SLC31A2: variants seen among roughly 807,000 people sequenced by gnomAD.
SLC31A2 encodes solute carrier family 31 member 2.
A neutral mutation model predicts 14.4 loss-of-function variants in SLC31A2; 16 were observed. The ratio of observed to expected loss-of-function variants is 1.11; its 90% CI spans 0.75 to 1.69. The LOEUF is 1.69. Ranked by LOEUF, SLC31A2 falls within the 40% of genes most tolerant of loss-of-function variation. The pLI, the probability that SLC31A2 is intolerant of heterozygous loss-of-function variation, is 0.00. For missense variants in SLC31A2, 140 were observed against 173.9 expected, an observed-to-expected ratio of 0.81 and a Z score of 1.10; for synonymous variants, 56 against 68.7, an observed-to-expected ratio of 0.82 and a Z score of 0.91.
intron 1 of SLC31A2, among the ~76,000 whole-genome samples, chr9:113,155,032 G>A (rs1829916546): frequency 1.3e-5 from 2 of 152,174 alleles, no homozygotes; most frequent in Admixed American, 1.3e-4. Flanking sequence ...GGCCATATCA[G>A]TTTCTTCTGC....
At position 113,151,048 on chromosome 9, in the gene SLC31A2, C is replaced by T; in HGVS notation, c.-27C>T. The T allele has an allele frequency of 7.7e-7, 1 of 1,304,984 alleles. No individual in the cohort carries two copies. The highest frequency in any genetic ancestry group is 9.8e-7 in the Non-Finnish European group (1 of 1,020,662). 80.8% of individuals were successfully genotyped at this position (1,304,984 alleles called of 1,614,324 possible). ...AGGAGACCCGAGCGAGCAGACGCGG[C>T]CCTGGCGCCCGCCCTGCGCACTCAC... On this transcript the variant is annotated 5_prime_UTR_variant, in exon 1 of 4. Transcript: ENST00000259392. This position sits in a 1 kb window ranked among gnomAD's most constrained non-coding sequence, Gnocchi z 4.2.
chr9:113,162,926 G>C lies in SLC31A2; in HGVS notation c.*9G>C. ...TTCTCAGCACAGCTTAGCTGGTGAG[G>C]AACGTGCAGGCACTGAGGCTGGAGG... On this transcript the variant is annotated 3_prime_UTR_variant, in exon 4 of 4. Coordinates refer to ENST00000259392, the MANE Select transcript of SLC31A2 (RefSeq NM_001860.3). The C allele has an allele frequency of 6.3e-7, 1 of 1,598,454 alleles. No homozygotes were observed. The highest frequency in any genetic ancestry group is 8.5e-7 in the Non-Finnish European group (1 of 1,172,720).
chr9:113,161,931 T>A (rs1306794068), intron 3 of SLC31A2: 1 of 635,956 alleles, frequency 1.6e-6, no homozygotes, highest in African/African-American at 1.8e-5. Flanking sequence ...GAAGGCTTTC[T>A]TTAGGGAACA....
intron 1 of SLC31A2, chr9:113,156,078 A>G (rs1407977307): frequency 1.2e-5 from 6 of 518,864 alleles, no homozygotes; most frequent in Admixed American, 1.9e-5. Context: ...CAGGACACCC[A>G]CATGGCACAG....
intron 1 of SLC31A2, among the ~76,000 whole-genome samples, chr9:113,156,656 A>T (rs957755382): frequency 6.6e-6 from 1 of 152,192 alleles, no homozygotes; most frequent in Non-Finnish European, 1.5e-5. Flanking sequence ...TGCTTGTGCT[A>T]GCTGAGGGCT....
intron 1 of SLC31A2, among the ~76,000 whole-genome samples, chr9:113,153,756 G>T (rs958433543): frequency 6.6e-6 from 1 of 152,080 alleles, no homozygotes; most frequent in Non-Finnish European, 1.5e-5. Flanking sequence ...GCAGCTCCAC[G>T]GTCTCCAGTG....
At position 113,163,709 on chromosome 9, in the gene SLC31A2, GGAA is replaced by G. The variant is rs1283776494; in HGVS notation, c.*798_*800del. The G allele has an allele frequency of 6.8e-6, 1 of 147,532 alleles. No homozygotes were observed. The highest frequency in any genetic ancestry group is 2.7e-5 in the African/African-American group (1 of 36,866). 9.1% of individuals were successfully genotyped at this position (147,532 alleles called of 1,614,324 possible). ...CTTCCACCAGAAGGCACTGCCTGCA[GGAA>G]GAAGATGATCTGATGGCCGTGGGTG... On this transcript the variant is annotated 3_prime_UTR_variant, in exon 4 of 4. Coordinates refer to ENST00000259392, the MANE Select transcript of SLC31A2 (RefSeq NM_001860.3).
intron 1 of SLC31A2, chr9:113,155,872 CTG>C (rs1315894540): frequency 6.4e-6 from 2 of 311,196 alleles, no homozygotes; most frequent in South Asian, 2.6e-5. Flanking sequence ...TCGGAGGAAA[CTG>C]AGGCCAGAGA....
At chr9:113,152,420 TGA>T (rs1174806451) in intron 1 of SLC31A2, 2 of 152,296 alleles carry the variant, frequency 1.3e-5, no homozygotes, top group Admixed American at 1.3e-4. Flanking sequence ...GAGTGACAGG[TGA>T]GTCTTCGTCC....
intron 2 of SLC31A2, among the ~76,000 whole-genome samples, chr9:113,159,986 C>T (rs1171688350): frequency 6.6e-6 from 1 of 152,034 alleles, no homozygotes; most frequent in Non-Finnish European, 1.5e-5. Context: ...ACCAGCCTGA[C>T]CAACATGGTC....
At position 113,151,029 on chromosome 9, in the gene SLC31A2, C is replaced by T. The variant is rs749077461; in HGVS notation, c.-46C>T. 1 of 1,297,634 alleles carries T rather than the reference C, an allele frequency of 7.7e-7. No individual in the cohort carries two copies. Among genetic ancestry groups the T allele is most frequent in the South Asian group, 2.9e-5 (1 of 34,906 alleles). The allele number at this position is 1,297,634 out of a possible 1,614,324, so 80.4% of individuals were successfully genotyped here. A position where few individuals can be genotyped will look rare whatever the true frequency, so the allele number is the denominator to read the frequency against. ...GTTGAACTGACTCGGAGCGAGGAGA[C>T]CCGAGCGAGCAGACGCGGCCCTGGC... On this transcript the variant is annotated 5_prime_UTR_variant, in exon 1 of 4. Coordinates refer to ENST00000259392, the MANE Select transcript of SLC31A2 (RefSeq NM_001860.3). This position sits in a 1 kb window ranked among gnomAD's most constrained non-coding sequence, Gnocchi z 4.2.
chr9:113,161,798 C>G lies in SLC31A2; in HGVS notation c.263+100C>G, dbSNP rs557611014. On this transcript the variant is annotated intron_variant, in intron 3 of 3. Coordinates refer to ENST00000259392, the MANE Select transcript of SLC31A2 (RefSeq NM_001860.3). ...TAGCCCCACTTCACAGAGAGGACAG[C>G]GAGGCCCAGGGAAGGACCAGGACTT... 5.1e-5 allele frequency: 68 copies of G among 1,346,088 alleles called. No homozygotes were observed. In the African/African-American group the frequency reaches 9.4e-4, roughly 19 times the overall value. The allele number at this position is 1,346,088 out of a possible 1,614,324, so 83.4% of individuals were successfully genotyped here.
rs1231551438 is a variant in SLC31A2, at chr9:113,161,669, T to C, written c.234T>C (p.Asp78=). ...CAGACGGGGACTCTGCAGGCTCAGA[T>C]TCATTCCCTGTTGGCAGAACCCACC... ...AETDGDSAGS[D]SFPVGRTHHR... The change falls in exon 3 of 4, where the codon GAT becomes GAC. Residue 78 remains aspartate, a synonymous_variant. Transcript: ENST00000259392. 5 of 1,613,902 alleles carry C rather than the reference T, an allele frequency of 3.1e-6. No homozygotes were observed. The highest frequency in any genetic ancestry group is 4.2e-6 in the Non-Finnish European group (5 of 1,179,864).
intron 1 of SLC31A2, among the ~76,000 whole-genome samples, chr9:113,157,467 T>G (rs1302612281): frequency 6.6e-6 from 1 of 152,194 alleles, no homozygotes. Context: ...CCCGAGCCAG[T>G]TGGTCCAGTG....
At chr9:113,152,319 T>C (rs1294786104) in intron 1 of SLC31A2, 2 of 152,302 alleles carry the variant, frequency 1.3e-5, no homozygotes, top group African/African-American at 2.4e-5. Flanking sequence ...AGCCCTTTAA[T>C]TGAAAACTGT....
At chr9:113,159,223 C>T (rs913176910) in intron 2 of SLC31A2, among the ~76,000 whole-genome samples, 2 of 151,946 alleles carry the variant, frequency 1.3e-5, no homozygotes, top group African/African-American at 2.4e-5. Context: ...CTCCACCTCC[C>T]AGGTTCAAGC....
chr9:113,159,194 G>A (rs1381253723), intron 2 of SLC31A2, among the ~76,000 whole-genome samples: 1 of 152,004 alleles, frequency 6.6e-6, no homozygotes, highest in East Asian at 1.9e-4. Flanking sequence ...GCAGTGGCGC[G>A]ATCTTGGCTC....
chr9:113,151,204 C>T lies in SLC31A2; in HGVS notation c.6+124C>T. 1.0e-6 allele frequency: 1 copy of T among 993,504 alleles called. No homozygotes were observed. The highest frequency in any genetic ancestry group is 1.3e-6 in the Non-Finnish European group (1 of 755,134). The allele number at this position is 993,504 out of a possible 1,614,324, so 61.5% of individuals were successfully genotyped here. ...GGGCTGGTGAAGGGTGTGTTGGCAG[C>T]ATTGCCAACAGCTGGAACAGGGTTG... On this transcript the variant is annotated intron_variant, in intron 1 of 3. Transcript: ENST00000259392. This position sits in a 1 kb window ranked among gnomAD's most constrained non-coding sequence, Gnocchi z 4.2.
intron 1 of SLC31A2, chr9:113,156,268 AG>A (rs1829933283): frequency 2.4e-6 from 1 of 421,494 alleles, no homozygotes; most frequent in Non-Finnish European, 4.8e-6. Context: ...CCCGCTTATA[AG>A]GAGGTCCGGC....
Sources: allele counts gnomAD v4.1 joint callset (sites outside exome capture counted in the v4.1 genomes callset), GRCh38; gene constraint gnomAD v4.1.1; non-coding constraint Gnocchi (gnomAD v3.1); transcripts MANE v1.5; gene names NCBI Gene and HGNC (gene_info 2026-07-23, HGNC 2026-07-21).